CDK6: variants seen among roughly 807,000 people sequenced by gnomAD.
CDK6 encodes the protein cyclin-dependent kinase 6.
In CDK6, 6 loss-of-function variants were observed where a neutral mutation model predicts 37.1. The observed-to-expected ratio is 0.16, with a 90% CI of 0.09 to 0.32. CDK6 has a LOEUF of 0.32. CDK6 is among the 10% of genes least tolerant of loss of function. The pLI, the probability that CDK6 is intolerant of heterozygous loss-of-function variation, is 1.00. For synonymous variants in CDK6, 160 were observed against 161.3 expected (o/e 0.99, Z 0.06); for missense variants, 224 against 418.9 (o/e 0.53, Z 4.06).
At chr7:92,729,586 CTG>C (rs1333285832) in intron 3 of CDK6, among the ~76,000 whole-genome samples, 1 of 152,180 alleles carries the variant, frequency 6.6e-6, no homozygotes, top group East Asian at 1.9e-4. Context: ...TAAAAAGACT[CTG>C]GACCTTTCTG....
chr7:92,710,020 G>A (rs889998568), intron 4 of CDK6, among the ~76,000 whole-genome samples: 8 of 152,156 alleles, frequency 5.3e-5, no homozygotes, highest in South Asian at 2.1e-4. Context: ...ATATCAGTGC[G>A]CCTCTGAAAG....
intron 3 of CDK6, among the ~76,000 whole-genome samples, chr7:92,772,387 C>T (rs1799738627): frequency 6.6e-6 from 1 of 152,080 alleles, no homozygotes; most frequent in Non-Finnish European, 1.5e-5. Context: ...ACTAGAGCCC[C>T]TTGCCCCCAA....
chr7:92,658,249 T>C (rs572030563), intron 5 of CDK6, among the ~76,000 whole-genome samples: 80 of 152,340 alleles, frequency 5.3e-4, no homozygotes, highest in African/African-American at 1.9e-3. Context: ...ATTTCACTTC[T>C]GGAATTTACT....
chr7:92,627,237 T>A, intron 5 of CDK6, among the ~76,000 whole-genome samples: 1 of 152,136 alleles, frequency 6.6e-6, no homozygotes, highest in Non-Finnish European at 1.5e-5. Context: ...TCCATTTATA[T>A]AGACAATGTA....
chr7:92,675,193 C>G (rs1797176370), intron 4 of CDK6, among the ~76,000 whole-genome samples: 1 of 152,188 alleles, frequency 6.6e-6, no homozygotes, highest in African/African-American at 2.4e-5. Context: ...TGACTGTCTT[C>G]ATTTTCAATA....
chr7:92,785,276 C>T (rs1007433474), intron 2 of CDK6, among the ~76,000 whole-genome samples: 2 of 152,092 alleles, frequency 1.3e-5, no homozygotes, highest in African/African-American at 4.8e-5. Context: ...GAGAAAGAAG[C>T]CAGTCACAAA....
chr7:92,752,355 T>C (rs1317496289), intron 3 of CDK6, among the ~76,000 whole-genome samples: 1 of 152,230 alleles, frequency 6.6e-6, no homozygotes, highest in African/African-American at 2.4e-5. Flanking sequence ...AGTCATGTTA[T>C]TGATTCACTA....
At chr7:92,815,657 G>C (rs1248967355) in intron 2 of CDK6, among the ~76,000 whole-genome samples, 1 of 152,156 alleles carries the variant, frequency 6.6e-6, no homozygotes, top group Non-Finnish European at 1.5e-5. Context: ...TGTAAATTCT[G>C]TAGTCTTGCC....
intron 4 of CDK6, among the ~76,000 whole-genome samples, chr7:92,713,372 A>G (rs1391760470): frequency 6.6e-6 from 1 of 152,194 alleles, no homozygotes; most frequent in African/African-American, 2.4e-5. Flanking sequence ...GCCAAAGCCC[A>G]TATGCAAATT....
At chr7:92,783,242 ACT>A (rs1800040673) in intron 2 of CDK6, among the ~76,000 whole-genome samples, 1 of 152,226 alleles carries the variant, frequency 6.6e-6, no homozygotes. Context: ...AGAAAAAAGA[ACT>A]TAAAAATAAT....
chr7:92,800,133 A>C (rs1170018388), intron 2 of CDK6, among the ~76,000 whole-genome samples: 1 of 152,156 alleles, frequency 6.6e-6, no homozygotes, highest in Non-Finnish European at 1.5e-5. Context: ...TCTCATTTCA[A>C]GGGCACTACC....
intron 5 of CDK6, among the ~76,000 whole-genome samples, chr7:92,639,908 A>G (rs1371902559): frequency 6.6e-6 from 1 of 152,246 alleles, no homozygotes; most frequent in Non-Finnish European, 1.5e-5. Context: ...AGCCAGTGAA[A>G]GCCAAAAAGG....
intron 4 of CDK6, among the ~76,000 whole-genome samples, chr7:92,686,181 G>A (rs1316594824): frequency 6.6e-6 from 1 of 151,984 alleles, no homozygotes; most frequent in Non-Finnish European, 1.5e-5. Flanking sequence ...ATTTATTTTT[G>A]TACATGAGTA....
intron 2 of CDK6, among the ~76,000 whole-genome samples, chr7:92,817,197 C>A (rs2115965953): frequency 6.6e-6 from 1 of 151,866 alleles, no homozygotes; most frequent in South Asian, 2.1e-4. Context: ...TTTTATGAAG[C>A]CAGCATTACC....
intron 3 of CDK6, among the ~76,000 whole-genome samples, chr7:92,745,725 C>T (rs962938056): frequency 4.6e-5 from 7 of 152,020 alleles, no homozygotes; most frequent in African/African-American, 1.5e-4. Flanking sequence ...TAAATGTAGC[C>T]GCTATTTCCA....
intron 4 of CDK6, among the ~76,000 whole-genome samples, chr7:92,719,099 C>A (rs1200712479): frequency 3.3e-5 from 5 of 152,178 alleles, no homozygotes; most frequent in Non-Finnish European, 7.3e-5. Flanking sequence ...GGAATATCAT[C>A]AGAGGCACAG....
intron 5 of CDK6, among the ~76,000 whole-genome samples, chr7:92,646,884 A>G (rs912729674): frequency 2.6e-5 from 4 of 152,186 alleles, no homozygotes; most frequent in Non-Finnish European, 5.9e-5. Context: ...TACTGTTTTG[A>G]TTAGTAAAAT....
At chr7:92,779,862 C>T (rs1799942571) in intron 2 of CDK6, among the ~76,000 whole-genome samples, 1 of 152,136 alleles carries the variant, frequency 6.6e-6, no homozygotes, top group Admixed American at 6.5e-5. Context: ...CTTAGAAATG[C>T]TAGACTATAA....
At chr7:92,683,046 C>A (rs564405441) in intron 4 of CDK6, among the ~76,000 whole-genome samples, 1 of 152,266 alleles carries the variant, frequency 6.6e-6, no homozygotes, top group Admixed American at 6.5e-5. Context: ...TGACACTAAA[C>A]AATCATACAT....
Sources: gnomAD v4.1 joint callset for allele counts (sites outside exome capture counted in the v4.1 genomes callset) on GRCh38, gnomAD v4.1.1 for gene constraint, MANE v1.5 for transcripts, NCBI Gene and HGNC (gene_info 2026-07-23, HGNC 2026-07-21) for gene names.